Variants in CTNNA3 observed in about 807,000 individuals in gnomAD.
CTNNA3 encodes the protein catenin alpha-3.
A neutral mutation model predicts 95.7 loss-of-function variants in CTNNA3; 76 were observed. The observed-to-expected ratio is 0.79, with a 90% CI of 0.66 to 0.96. The LOEUF is 0.96. Ranked by LOEUF, CTNNA3 falls within the 40% of genes least tolerant of loss-of-function variation. The pLI is 0.00. For missense variants in CTNNA3, 1,191 were observed against 1,089.8 expected, an observed-to-expected ratio of 1.09 and a Z score of -1.31; for synonymous variants, 431 against 374.4, an observed-to-expected ratio of 1.15 and a Z score of -1.74.
chr10:67,601,495 C>T (rs1843082554), intron 3 of CTNNA3, among the ~76,000 whole-genome samples: 1 of 152,142 alleles, frequency 6.6e-6, no homozygotes, highest in Non-Finnish European at 1.5e-5. Context: ...TCCTGCTGTA[C>T]GGCCTGGTTC....
intron 1 of CTNNA3, among the ~76,000 whole-genome samples, chr10:67,671,628 C>T (rs867132382): frequency 3.2e-4 from 49 of 151,084 alleles, no homozygotes; most frequent in Middle Eastern, 3.4e-3. Flanking sequence ...TTTGTCCTTG[C>T]GATAGTTTGC....
chr10:66,588,214 G>A (rs1232716599), intron 10 of CTNNA3, among the ~76,000 whole-genome samples: 4 of 152,014 alleles, frequency 2.6e-5, no homozygotes, highest in South Asian at 2.1e-4. Flanking sequence ...CCGGCTCTCC[G>A]GTGGGAGTGT....
intron 12 of CTNNA3, among the ~76,000 whole-genome samples, chr10:66,284,522 C>T (rs2132170860): frequency 6.6e-6 from 1 of 152,026 alleles, no homozygotes; most frequent in South Asian, 2.1e-4. Flanking sequence ...AACAGACCTA[C>T]ACAGCCAAGT....
rs1353465989 is a variant in CTNNA3, at chr10:66,927,762, C to T, written c.1048-152238G>A. 6.2e-7 allele frequency: 1 copy of T among 1,614,172 alleles called. No homozygotes were observed. The highest frequency in any genetic ancestry group is 1.1e-5 in the South Asian group (1 of 91,084). Reference sequence around the variant, plus strand: ...TCCAGTGTGTCCCGAATCTGCAGCGCCTCAACCTGGATTCCAACAAGCTCA... The same window carrying T: ...TCCAGTGTGTCCCGAATCTGCAGCGTCTCAACCTGGATTCCAACAAGCTCA... On this transcript the variant is annotated intron_variant, in intron 7 of 17. Coordinates refer to ENST00000433211, the MANE Select transcript of CTNNA3 (RefSeq NM_013266.4). The surrounding 1 kb of genome is among the most constrained non-coding windows in gnomAD (Gnocchi z 4.7).
intron 11 of CTNNA3, among the ~76,000 whole-genome samples, chr10:66,388,829 G>T (rs930586304): frequency 6.6e-6 from 1 of 152,028 alleles, no homozygotes; most frequent in Non-Finnish European, 1.5e-5. Flanking sequence ...GTATTACTGT[G>T]ACACGTTCCC....
intron 5 of CTNNA3, among the ~76,000 whole-genome samples, chr10:67,488,229 T>C (rs1848520736): frequency 6.6e-6 from 1 of 152,174 alleles, no homozygotes; most frequent in Non-Finnish European, 1.5e-5. Context: ...AAGGATGGTA[T>C]TTGGGAAATA....
rs140946780 is a variant in CTNNA3 at position 66,048,094 on chromosome 10, GCA to G, written c.2159+21212_2159+21213del. The stretch of plus-strand genomic sequence containing the variant: ...AATGCTGTTCCTATTAAACTACCAA[GCA>G]CATTCTTCACAGAACTAGAAAAAAA... On this transcript the variant is annotated intron_variant, in intron 15 of 17. Coordinates refer to ENST00000433211, the MANE Select transcript of CTNNA3 (RefSeq NM_013266.4). Among the ~76,000 whole-genome samples the G allele has an allele frequency of 6.2e-4, 94 of 152,020 alleles. 1 individual carries two copies. Among genetic ancestry groups the G allele is most frequent in the African/African-American group, 2.0e-3 (82 of 41,480 alleles).
At chr10:67,177,371 G>A (rs867765122) in intron 7 of CTNNA3, among the ~76,000 whole-genome samples, 3 of 152,124 alleles carry the variant, frequency 2.0e-5, no homozygotes, top group Non-Finnish European at 2.9e-5. Context: ...TTCTCATTGC[G>A]GAACTGCTCT....
At chr10:66,249,590 C>T (rs1037124376) in intron 13 of CTNNA3, among the ~76,000 whole-genome samples, 2 of 152,136 alleles carry the variant, frequency 1.3e-5, no homozygotes, top group South Asian at 2.1e-4. Flanking sequence ...TAACATCTCA[C>T]CCCAGTTAAA....
At chr10:67,524,202 G>A (rs1426953806) in intron 4 of CTNNA3, among the ~76,000 whole-genome samples, 1 of 151,956 alleles carries the variant, frequency 6.6e-6, no homozygotes, top group Non-Finnish European at 1.5e-5. Context: ...AGGAGATCGA[G>A]ACTATCCTGG....
intron 1 of CTNNA3, among the ~76,000 whole-genome samples, chr10:67,657,847 C>CAAA (rs200763142): frequency 9.5e-4 from 38 of 39,998 alleles, no homozygotes; most frequent in African/African-American, 2.2e-3. Context: ...AATTCCATCT[C>CAAA]AAAAAAAAAA....
chr10:67,239,394 G>A (rs1041268182), intron 5 of CTNNA3, among the ~76,000 whole-genome samples: 4 of 149,214 alleles, frequency 2.7e-5, no homozygotes, highest in African/African-American at 9.9e-5. Context: ...AGACATAAAA[G>A]AGTATGTATG....
At chr10:66,363,085 C>T (rs1195116023) in intron 12 of CTNNA3, among the ~76,000 whole-genome samples, 1 of 152,150 alleles carries the variant, frequency 6.6e-6, no homozygotes, top group Non-Finnish European at 1.5e-5. Flanking sequence ...TGTGTAATAG[C>T]GATACACTTC....
intron 7 of CTNNA3, among the ~76,000 whole-genome samples, chr10:67,110,748 A>C (rs929842482): frequency 2.0e-5 from 3 of 152,170 alleles, no homozygotes; most frequent in African/African-American, 7.2e-5. Flanking sequence ...CTTTTGTTGA[A>C]CTGCCCAGTG....
At chr10:67,390,673 C>T (rs1396055630) in intron 5 of CTNNA3, among the ~76,000 whole-genome samples, 8 of 149,860 alleles carry the variant, frequency 5.3e-5, no homozygotes, top group Non-Finnish European at 7.4e-5. Flanking sequence ...ACTGGCAAAA[C>T]GAATCCAGCA....
chr10:66,341,019 A>C (rs146806186), intron 12 of CTNNA3, among the ~76,000 whole-genome samples: 1 of 152,024 alleles, frequency 6.6e-6, no homozygotes, highest in African/African-American at 2.4e-5. Context: ...AACAGACTCC[A>C]AATGTCTTTA....
At chr10:66,994,216 T>C (rs1477067353) in intron 7 of CTNNA3, among the ~76,000 whole-genome samples, 2 of 152,076 alleles carry the variant, frequency 1.3e-5, no homozygotes, top group African/African-American at 4.8e-5. Context: ...GGTACTCCAG[T>C]GGTTAAAAGG....
intron 7 of CTNNA3, among the ~76,000 whole-genome samples, chr10:66,855,762 G>A (rs1053049912): frequency 3.9e-5 from 6 of 151,952 alleles, no homozygotes; most frequent in Admixed American, 1.3e-4. Flanking sequence ...AAGAGCTAAA[G>A]GTTCACATCA....
chr10:67,224,094 A>G (rs1243162814), intron 5 of CTNNA3, among the ~76,000 whole-genome samples: 1 of 152,192 alleles, frequency 6.6e-6, no homozygotes, highest in Non-Finnish European at 1.5e-5. Flanking sequence ...GTTTGTGTGT[A>G]TGTGCTGTGA....
Sources: allele counts gnomAD v4.1 joint callset (sites outside exome capture counted in the v4.1 genomes callset), GRCh38; gene constraint gnomAD v4.1.1; non-coding constraint Gnocchi (gnomAD v3.1); transcripts MANE v1.5; gene names NCBI Gene and HGNC (gene_info 2026-07-23, HGNC 2026-07-21).